EBF3: variants seen among roughly 807,000 people sequenced by gnomAD.
The protein encoded by EBF3 is transcription factor COE3.
In EBF3, 18 loss-of-function variants were observed where a neutral mutation model predicts 77.1. That is an observed-to-expected ratio of 0.23 (90% CI 0.16 to 0.35). The LOEUF (loss-of-function observed/expected upper bound fraction) is 0.35. Among genes scored for constraint, EBF3 ranks in the 10% least tolerant of loss-of-function variants. EBF3 has a pLI of 1.00. For synonymous variants in EBF3, 350 were observed against 343.5 expected (o/e 1.02, Z -0.21); for missense variants, 558 against 860.0 (o/e 0.65, Z 4.39).
intron 6 of EBF3, among the ~76,000 whole-genome samples, chr10:129,901,673 A>C (rs1854790168): frequency 6.6e-6 from 1 of 152,252 alleles, no homozygotes; most frequent in South Asian, 2.1e-4. Context: ...TACCAATTAG[A>C]GTAGCCTTAG....
intron 8 of EBF3, among the ~76,000 whole-genome samples, chr10:129,872,588 C>T (rs915330430): frequency 2.0e-5 from 3 of 152,186 alleles, no homozygotes; most frequent in Non-Finnish European, 4.4e-5. Flanking sequence ...GTTTTACAGG[C>T]TCTTTGCTCT....
intron 5 of EBF3, 150 bp downstream of exon 5, chr10:129,958,784 G>A (rs1859241379): frequency 1.9e-6 from 2 of 1,051,888 alleles, no homozygotes; most frequent in African/African-American, 1.7e-5. Flanking sequence ...GCTCCTCCGC[G>A]GCCCGGCGCG....
At chr10:129,843,440 G>A (rs758957159) in intron 11 of EBF3, 49 of 479,516 alleles carry the variant, frequency 1.0e-4, no homozygotes, top group Admixed American at 5.3e-4. Flanking sequence ...TCCTCCATCC[G>A]GTTGGGCTCA....
At chr10:129,882,993 C>T (rs1179888729) in intron 6 of EBF3, among the ~76,000 whole-genome samples, 5 of 152,170 alleles carry the variant, frequency 3.3e-5, no homozygotes, top group African/African-American at 7.2e-5. Flanking sequence ...GCTTGGCGGT[C>T]GCACCCTGGT....
At chr10:129,890,097 T>C (rs1333732054) in intron 6 of EBF3, among the ~76,000 whole-genome samples, 1 of 152,068 alleles carries the variant, frequency 6.6e-6, no homozygotes, top group Non-Finnish European at 1.5e-5. Context: ...GAGACACAGC[T>C]GTGGGTCAGA....
chr10:129,842,159 C>T lies in EBF3; in HGVS notation c.1329G>A (p.Gln443=), dbSNP rs763215503. The part of the protein sequence containing the change: ...GMMGVNSFSS[Q]LAVNVSETSQ... ...ACGTCTCTGACACGTTGACGGCTAG[C>T]TGGCTGCTGAAGGAGTTGACGCCCA... The change falls in exon 13 of 17, where the codon CAG becomes CAA. Residue 443 remains glutamine (Q), a synonymous_variant. Coordinates refer to ENST00000440978, the MANE Select transcript of EBF3 (RefSeq NM_001375380.1). The surrounding 1 kb of genome is among the most constrained non-coding windows in gnomAD (Gnocchi z 4.4). 2 of 1,614,244 alleles carry T rather than the reference C, an allele frequency of 1.2e-6. No homozygotes were observed. The highest frequency in any genetic ancestry group is 2.2e-5 in the South Asian group (2 of 91,086).
At chr10:129,953,360 A>G (rs373698051) in intron 6 of EBF3, among the ~76,000 whole-genome samples, 1 of 152,224 alleles carries the variant, frequency 6.6e-6, no homozygotes, top group Non-Finnish European at 1.5e-5. Context: ...TTGAAATTTT[A>G]TAACAGCTGT....
chr10:129,850,322 A>G (rs2133989287), intron 10 of EBF3, among the ~76,000 whole-genome samples: 1 of 152,366 alleles, frequency 6.6e-6, no homozygotes, highest in Non-Finnish European at 1.5e-5. Flanking sequence ...ATGACTTGTA[A>G]TAACCATACA....
At chr10:129,937,017 C>T (rs899757713) in intron 6 of EBF3, among the ~76,000 whole-genome samples, 1 of 152,236 alleles carries the variant, frequency 6.6e-6, no homozygotes, top group African/African-American at 2.4e-5. Context: ...CAGTGCATCT[C>T]CTACGTGATG....
At chr10:129,862,512 C>T (rs1245206252) in intron 10 of EBF3, among the ~76,000 whole-genome samples, 1 of 152,124 alleles carries the variant, frequency 6.6e-6, no homozygotes, top group East Asian at 1.9e-4. Flanking sequence ...GGTCAATCAA[C>T]CATCCGGGTG....
rs1030273084 is a variant in EBF3 at position 129,885,997 on chromosome 10, A to G, written c.555-8148T>C. Among the ~76,000 whole-genome samples the G allele has an allele frequency of 6.6e-6, 1 of 151,442 alleles. No homozygotes were observed. The highest frequency in any genetic ancestry group is 6.6e-5 in the Admixed American group (1 of 15,218). On this transcript the variant is annotated intron_variant, in intron 6 of 16. Coordinates refer to ENST00000440978, the MANE Select transcript of EBF3 (RefSeq NM_001375380.1). The surrounding 1 kb of genome is among the most constrained non-coding windows in gnomAD (Gnocchi z 4.0). ...GATGGCTGGGGAGGTCATTCTCAAA[A>G]TAAATGTGGGTGAGGGGGTGTTGTT...
rs576699106 is a variant in EBF3, at chr10:129,939,349, G to A, written c.554+17909C>T. Among the ~76,000 whole-genome samples, 9 of 152,278 alleles carry A rather than the reference G, an allele frequency of 5.9e-5. No homozygotes were observed. In the South Asian group the frequency reaches 1.9e-3, roughly 32 times the overall value. On this transcript the variant is annotated intron_variant, in intron 6 of 16. Transcript: ENST00000440978. Reference sequence around the variant, plus strand: ...AAGGACAGGGTGAAATCTGAAAACAGCATGATCATGCCAGTCTACATAAGA... The same window carrying A: ...AAGGACAGGGTGAAATCTGAAAACAACATGATCATGCCAGTCTACATAAGA...
At chr10:129,887,561 C>T (rs1334135759) in intron 6 of EBF3, among the ~76,000 whole-genome samples, 2 of 152,074 alleles carry the variant, frequency 1.3e-5, no homozygotes, top group Non-Finnish European at 2.9e-5. Flanking sequence ...GACGTTGGTG[C>T]CATATTTTGT....
intron 6 of EBF3, among the ~76,000 whole-genome samples, chr10:129,928,457 T>C (rs6482766): frequency 0.073 from 11,087 of 152,268 alleles, 1,096 homozygotes; most frequent in African/African-American, 0.23. Context: ...TATGCACTAA[T>C]CCGCCTTCTC....
At chr10:129,840,725 A>C (rs1200093475) in intron 14 of EBF3, 119 bp downstream of exon 14, 3 of 1,414,746 alleles carry the variant, frequency 2.1e-6, no homozygotes, top group Non-Finnish European at 2.8e-6. Context: ...CCCAGCCTCC[A>C]GGGCCACCCT....
chr10:129,887,637 C>A (rs1475811888), intron 6 of EBF3, among the ~76,000 whole-genome samples: 1 of 152,252 alleles, frequency 6.6e-6, no homozygotes, highest in East Asian at 1.9e-4. Flanking sequence ...CATGGCAAAG[C>A]TTTGTCAGTC....
At chr10:129,958,767 A>G (rs964358907) in intron 5 of EBF3, among the ~76,000 whole-genome samples, 167 bp downstream of exon 5, 1 of 152,228 alleles carries the variant, frequency 6.6e-6, no homozygotes, top group South Asian at 2.1e-4. Flanking sequence ...GGGGGGAAGG[A>G]GCGCGGGCTC....
At chr10:129,894,638 A>G (rs1174203702) in intron 6 of EBF3, among the ~76,000 whole-genome samples, 1 of 152,124 alleles carries the variant, frequency 6.6e-6, no homozygotes, top group Non-Finnish European at 1.5e-5. Context: ...GGGGCCCTCC[A>G]GCTCCCCAGG....
intron 10 of EBF3, among the ~76,000 whole-genome samples, chr10:129,856,340 A>G (rs768687958): frequency 1.2e-4 from 19 of 152,220 alleles, no homozygotes; most frequent in Non-Finnish European, 2.8e-4. Context: ...ATGTTCATCA[A>G]TGAATGAATG....
Sources: allele counts gnomAD v4.1 joint callset (sites outside exome capture counted in the v4.1 genomes callset), GRCh38; gene constraint gnomAD v4.1.1; non-coding constraint Gnocchi (gnomAD v3.1); transcripts MANE v1.5; gene names NCBI Gene and HGNC (gene_info 2026-07-23, HGNC 2026-07-21).